The following HOMER1 variants were observed in gnomAD, a reference collection of about 807,000 sequenced individuals.
HOMER1 encodes the protein homer protein homolog 1.
In HOMER1, 3 loss-of-function variants were observed where a neutral mutation model predicts 48.9. That is an observed-to-expected ratio of 0.06 (90% confidence interval 0.03 to 0.16). The LOEUF is 0.16. Among genes scored for constraint, HOMER1 ranks in the 10% least tolerant of loss-of-function variants. The pLI is 1.00. For synonymous variants in HOMER1, 134 were observed against 146.4 expected, an observed-to-expected ratio of 0.92 and a Z score of 0.61; for missense variants, 247 against 411.4, an observed-to-expected ratio of 0.60 and a Z score of 3.46.
At chr5:79,388,426 C>A (rs146071805) in intron 8 of HOMER1, among the ~76,000 whole-genome samples, 11 of 152,244 alleles carry the variant, frequency 7.2e-5, no homozygotes, top group African/African-American at 2.6e-4. Context: ...TGTAAGCAAT[C>A]TTCATCTACA....
chr5:79,424,422 A>G (rs1055729395), intron 5 of HOMER1, among the ~76,000 whole-genome samples: 13 of 152,226 alleles, frequency 8.5e-5, no homozygotes, highest in Admixed American at 5.2e-4. Flanking sequence ...TCTTTATACA[A>G]GGATATGCAT....
At chr5:79,511,842 T>A (rs1752954055) in intron 1 of HOMER1, among the ~76,000 whole-genome samples, 1 of 152,218 alleles carries the variant, frequency 6.6e-6, no homozygotes, top group African/African-American at 2.4e-5. Flanking sequence ...CTTTAAAACA[T>A]GCCCCTCAAC....
In HOMER1 at chr5:79,476,644, T is replaced by C. The variant is rs182922163; in HGVS notation, c.6-19626A>G. ...ATTATAAAGGATATTAAAAAGAATA[T>C]AGATGAAGAAATGTGTTGGGCAAAG... On this transcript the variant is annotated intron_variant, in intron 1 of 8. Transcript: ENST00000334082. 3.9e-5 allele frequency among the ~76,000 whole-genome samples: 6 copies of C among 152,254 alleles called. No individual in the cohort carries two copies. In the East Asian group the frequency reaches 5.8e-4, roughly 15 times the overall value.
At chr5:79,481,162 T>C (rs1342533005) in intron 1 of HOMER1, among the ~76,000 whole-genome samples, 1 of 152,180 alleles carries the variant, frequency 6.6e-6, no homozygotes, top group Non-Finnish European at 1.5e-5. Flanking sequence ...AGTCTCCAAA[T>C]AAACACTCTC....
intron 1 of HOMER1, among the ~76,000 whole-genome samples, chr5:79,487,248 C>T (rs1423472358): frequency 3.3e-5 from 5 of 152,170 alleles, no homozygotes; most frequent in African/African-American, 1.2e-4. Flanking sequence ...CACTGCACCC[C>T]TGCCTGGTGA....
At chr5:79,402,917 A>G (rs748142038) in intron 5 of HOMER1, among the ~76,000 whole-genome samples, 53 of 152,228 alleles carry the variant, frequency 3.5e-4, no homozygotes, top group Non-Finnish European at 6.2e-4. Flanking sequence ...TTTCATAGGA[A>G]AGGCTAGGCC....
At chr5:79,397,336 C>T (rs572854496) in intron 7 of HOMER1, among the ~76,000 whole-genome samples, 191 bp downstream of exon 7, 2 of 152,194 alleles carry the variant, frequency 1.3e-5, no homozygotes, top group East Asian at 3.9e-4. Context: ...TGCCTCACCA[C>T]AGTTCATAAT....
chr5:79,378,315 G>A (rs1408982479), intron 8 of HOMER1, among the ~76,000 whole-genome samples: 1 of 151,300 alleles, frequency 6.6e-6, no homozygotes, highest in Non-Finnish European at 1.5e-5. Context: ...AAGGCTCAAG[G>A]ATGCTACAGA....
Position 79,513,106 on chromosome 5 carries a change from G to C in HOMER1, c.-332C>G, listed in dbSNP as rs1049494187. 1 of 355,968 alleles carries C rather than the reference G, an allele frequency of 2.8e-6. No individual in the cohort carries two copies. The highest frequency in any genetic ancestry group is 2.2e-5 in the African/African-American group (1 of 46,490). 22.1% of individuals were successfully genotyped at this position (355,968 alleles called of 1,614,324 possible). The stretch of plus-strand genomic sequence containing the variant: ...GGCTTCACCGAGTCCTATAAAAAAT[G>C]AGTTCGCTGGTCATTTCACTCATGT... On this transcript the variant is annotated 5_prime_UTR_variant, in exon 1 of 9. Coordinates refer to ENST00000334082, the MANE Select transcript of HOMER1 (RefSeq NM_004272.5).
chr5:79,386,343 T>A (rs1749109184), intron 8 of HOMER1, among the ~76,000 whole-genome samples: 1 of 152,214 alleles, frequency 6.6e-6, no homozygotes, highest in Non-Finnish European at 1.5e-5. Flanking sequence ...GTCATCATGT[T>A]AAGTGAACTA....
intron 1 of HOMER1, among the ~76,000 whole-genome samples, chr5:79,490,562 T>C (rs1725930630): frequency 6.6e-6 from 1 of 152,102 alleles, no homozygotes; most frequent in Non-Finnish European, 1.5e-5. Flanking sequence ...TACTGAGAAG[T>C]AATATTTTCA....
intron 8 of HOMER1, among the ~76,000 whole-genome samples, chr5:79,377,591 T>A (rs1748809058): frequency 6.6e-6 from 1 of 152,070 alleles, no homozygotes. Flanking sequence ...CCTCAGAAAA[T>A]GAGATGTTTC....
At chr5:79,427,612 ACCTTCCTTCCTTCCTTT>A (rs1750293518) in intron 5 of HOMER1, among the ~76,000 whole-genome samples, 1 of 151,480 alleles carries the variant, frequency 6.6e-6, no homozygotes, top group African/African-American at 2.4e-5. Context: ...TATGTTTACA[ACCTTCCTTCCTTCCTTT>A]CCTTCCTTCC....
At chr5:79,482,982 A>G (rs1751989995) in intron 1 of HOMER1, among the ~76,000 whole-genome samples, 1 of 152,198 alleles carries the variant, frequency 6.6e-6, no homozygotes, top group South Asian at 2.1e-4. Context: ...CAGCCTCGAC[A>G]ACAGGTCAAG....
At chr5:79,428,718 T>G (rs1750340232) in intron 5 of HOMER1, among the ~76,000 whole-genome samples, 1 of 152,090 alleles carries the variant, frequency 6.6e-6, no homozygotes, top group African/African-American at 2.4e-5. Context: ...CTGAATACAT[T>G]TAACAAAAGA....
At chr5:79,500,963 G>GAC (rs140189642) in intron 1 of HOMER1, among the ~76,000 whole-genome samples, 3,683 of 101,560 alleles carry the variant, frequency 0.036, 61 homozygotes, top group South Asian at 0.076. Flanking sequence ...GAGACAGACA[G>GAC]ACACACACAC....
At chr5:79,510,673 G>A (rs1561393533) in intron 1 of HOMER1, 5 of 929,028 alleles carry the variant, frequency 5.4e-6, no homozygotes, top group Non-Finnish European at 5.2e-6. Context: ...AGCCCAAGGA[G>A]GTTAAGCCCA....
chr5:79,395,042 AGAAC>A (rs1375318290), intron 8 of HOMER1, among the ~76,000 whole-genome samples: 1 of 152,212 alleles, frequency 6.6e-6, no homozygotes, highest in Non-Finnish European at 1.5e-5. Flanking sequence ...TAATGCAGAA[AGAAC>A]GGACTTTGGA....
intron 1 of HOMER1, among the ~76,000 whole-genome samples, chr5:79,479,889 G>A (rs1751899177): frequency 6.6e-6 from 1 of 152,096 alleles, no homozygotes; most frequent in South Asian, 2.1e-4. Context: ...TTAATAAAAG[G>A]AACTTTATAT....
Sources: allele counts gnomAD v4.1 joint callset (sites outside exome capture counted in the v4.1 genomes callset), GRCh38; gene constraint gnomAD v4.1.1; transcripts MANE v1.5; gene names NCBI Gene and HGNC (gene_info 2026-07-23, HGNC 2026-07-21).